MALRD1: variants seen among roughly 807,000 people sequenced by gnomAD.
The protein encoded by MALRD1 is MAM and LDL-receptor class A domain-containing protein 1.
In MALRD1, 247 loss-of-function variants were observed where a neutral mutation model predicts 242.1. That is an observed-to-expected ratio of 1.02 (90% CI 0.92 to 1.13). The LOEUF (loss-of-function observed/expected upper bound fraction) is 1.13. MALRD1 is among the 50% of genes most tolerant of loss of function. The pLI is 0.00. For synonymous variants in MALRD1, 995 were observed against 866.6 expected (o/e 1.15, Z -2.60); for missense variants, 2,989 against 2,533.1 (o/e 1.18, Z -3.86).
intron 28 of MALRD1, among the ~76,000 whole-genome samples, chr10:19,441,390 G>T (rs1834641006): frequency 6.6e-6 from 1 of 152,070 alleles, no homozygotes; most frequent in African/African-American, 2.4e-5. Flanking sequence ...ATTGTTTTTG[G>T]TGTTTTAGTC....
intron 18 of MALRD1, among the ~76,000 whole-genome samples, chr10:19,244,647 T>C (rs1052959345): frequency 6.6e-6 from 1 of 152,148 alleles, no homozygotes; most frequent in Non-Finnish European, 1.5e-5. Flanking sequence ...CTAATGACTT[T>C]TAAAAAATGG....
chr10:19,126,270 A>G (rs1837280129), intron 7 of MALRD1, among the ~76,000 whole-genome samples: 1 of 152,262 alleles, frequency 6.6e-6, no homozygotes, highest in East Asian at 1.9e-4. Context: ...ATATATCATC[A>G]CTTGCAGAAA....
At chr10:19,182,324 ATTTTTTTTT>A (rs34790120) in intron 14 of MALRD1, among the ~76,000 whole-genome samples, 2 of 81,960 alleles carry the variant, frequency 2.4e-5, no homozygotes, top group African/African-American at 4.9e-5. Flanking sequence ...CAAAACCTAC[ATTTTTTTTT>A]TTTTTTTTTT....
chr10:19,518,574 A>T (rs1833740273), intron 31 of MALRD1, among the ~76,000 whole-genome samples: 1 of 152,158 alleles, frequency 6.6e-6, no homozygotes, highest in African/African-American at 2.4e-5. Flanking sequence ...CGTTGCCTTC[A>T]TAATTCACTC....
intron 6 of MALRD1, 49 bp downstream of exon 6, chr10:19,123,642 T>C: frequency 9.3e-7 from 1 of 1,072,004 alleles, no homozygotes; most frequent in Non-Finnish European, 1.2e-6. Flanking sequence ...ATGCAATATG[T>C]GAGACTCAGA....
At chr10:19,704,995 GAA>G (rs1232473673) in intron 38 of MALRD1, among the ~76,000 whole-genome samples, 4 of 152,114 alleles carry the variant, frequency 2.6e-5, no homozygotes, top group Non-Finnish European at 4.4e-5. Flanking sequence ...AAAAAAGAAA[GAA>G]AGGTGATTAG....
chr10:19,094,549 C>G (rs1233696900), intron 4 of MALRD1, among the ~76,000 whole-genome samples: 1 of 151,738 alleles, frequency 6.6e-6, no homozygotes, highest in East Asian at 2.0e-4. Flanking sequence ...AATCACCCGT[C>G]TTCTGCGTCG....
intron 29 of MALRD1, among the ~76,000 whole-genome samples, chr10:19,489,819 T>A (rs1274973171): frequency 6.6e-6 from 1 of 152,210 alleles, no homozygotes; most frequent in South Asian, 2.1e-4. Flanking sequence ...AGTAGAATTG[T>A]TTCCTAAAGA....
chr10:19,128,578 A>T (rs1011175948), intron 8 of MALRD1, among the ~76,000 whole-genome samples, 191 bp downstream of exon 8: 1 of 152,192 alleles, frequency 6.6e-6, no homozygotes, highest in Non-Finnish European at 1.5e-5. Context: ...AGTTAATGTG[A>T]TAACTTGCCC....
At chr10:19,102,050 T>G (rs112990623) in intron 4 of MALRD1, among the ~76,000 whole-genome samples, 1,428 of 103,726 alleles carry the variant, frequency 0.014, 36 homozygotes, top group Non-Finnish European at 0.013. Flanking sequence ...AATTATAATC[T>G]ATATTATAAT....
rs188484211 is a variant in MALRD1 at position 19,382,867 on chromosome 10, G to A, written c.4442-4661G>A. 4.8e-3 allele frequency among the ~76,000 whole-genome samples: 728 copies of A among 152,202 alleles called. 5 individuals are homozygous for A. Among genetic ancestry groups the A allele is most frequent in the Middle Eastern group, 0.021 (6 of 292 alleles). On this transcript the variant is annotated intron_variant, in intron 26 of 39. Transcript: ENST00000454679. Reference sequence around the variant, plus strand: ...ACCACTCCTGCTACTCAGTGTTTCTGCAAATGTTAAAAGGATGTATACTCT... The same window carrying A: ...ACCACTCCTGCTACTCAGTGTTTCTACAAATGTTAAAAGGATGTATACTCT...
In MALRD1 at chr10:19,121,984, T is replaced by C. The variant is rs570800627; in HGVS notation, c.695-1508T>C. ...TGAGTAGTCATGAATACGAAGTCAT[T>C]TCAGTCTGCATGATTGTGAACAAAG... is the stretch of plus-strand genomic sequence containing the variant. On this transcript the variant is annotated intron_variant, in intron 5 of 39. Transcript: ENST00000454679. Among the ~76,000 whole-genome samples, 622 of 152,308 alleles carry C rather than the reference T, an allele frequency of 4.1e-3. 8 individuals carry two copies. Among genetic ancestry groups the C allele is most frequent in the Non-Finnish European group, 3.9e-3 (263 of 68,018 alleles).
At chr10:19,659,343 T>C (rs1841315506) in intron 36 of MALRD1, among the ~76,000 whole-genome samples, 1 of 152,162 alleles carries the variant, frequency 6.6e-6, no homozygotes, top group South Asian at 2.1e-4. Context: ...TGGGTACTAT[T>C]ATGTTTGTGT....
intron 10 of MALRD1, among the ~76,000 whole-genome samples, chr10:19,142,262 A>G (rs915828910): frequency 2.0e-5 from 3 of 151,924 alleles, no homozygotes; most frequent in Non-Finnish European, 4.4e-5. Flanking sequence ...TAGTGTAGCA[A>G]TGATCTGTGT....
intron 24 of MALRD1, among the ~76,000 whole-genome samples, chr10:19,331,925 G>T (rs1843390039): frequency 1.3e-5 from 2 of 152,142 alleles, no homozygotes; most frequent in Non-Finnish European, 2.9e-5. Flanking sequence ...GAGTGCAGTG[G>T]CGTGATCTCG....
chr10:19,388,988 G>A (rs1056799069), intron 27 of MALRD1, among the ~76,000 whole-genome samples: 18 of 151,454 alleles, frequency 1.2e-4, no homozygotes, highest in African/African-American at 2.4e-4. Context: ...ATATGTCAAT[G>A]TGCAAGAACA....
At chr10:19,254,063 G>A (rs886712532) in intron 18 of MALRD1, among the ~76,000 whole-genome samples, 1 of 151,964 alleles carries the variant, frequency 6.6e-6, no homozygotes, top group Non-Finnish European at 1.5e-5. Context: ...GTTTCTTGAG[G>A]CCTCCCCAGC....
At chr10:19,143,223 A>G (rs1449063062) in intron 10 of MALRD1, among the ~76,000 whole-genome samples, 1 of 152,250 alleles carries the variant, frequency 6.6e-6, no homozygotes, top group Admixed American at 6.5e-5. Context: ...TTCAACATTT[A>G]TACAATCAAA....
intron 29 of MALRD1, among the ~76,000 whole-genome samples, chr10:19,454,545 G>T (rs1035067397): frequency 6.7e-6 from 1 of 150,032 alleles, no homozygotes; most frequent in Admixed American, 6.7e-5. Context: ...AGTTGAAAAT[G>T]CATTCCATAC....
Sources: gnomAD v4.1 joint callset for allele counts (sites outside exome capture counted in the v4.1 genomes callset) on GRCh38, gnomAD v4.1.1 for gene constraint, MANE v1.5 for transcripts, NCBI Gene and HGNC (gene_info 2026-07-23, HGNC 2026-07-21) for gene names.